Variants in GPR149 observed in about 807,000 individuals in gnomAD.
The protein encoded by GPR149 is G protein-coupled receptor 149, also known as probable G protein-coupled receptor 149.
In GPR149, 50 loss-of-function variants were observed where a neutral mutation model predicts 50.2. That is an observed-to-expected ratio of 1.00 (90% CI 0.79 to 1.26). The LOEUF is 1.26. Among genes scored for constraint, GPR149 ranks in the 50% most tolerant of loss-of-function variants. The pLI is 0.00. For synonymous variants in GPR149, 405 were observed against 358.2 expected (o/e 1.13, Z -1.48); for missense variants, 983 against 895.4 (o/e 1.10, Z -1.25).
At chr3:154,382,559 T>A (rs1714951871) in intron 3 of GPR149, among the ~76,000 whole-genome samples, 1 of 152,208 alleles carries the variant, frequency 6.6e-6, no homozygotes, top group Non-Finnish European at 1.5e-5. Flanking sequence ...AAATATCATA[T>A]TGAAAAATAG....
chr3:154,403,566 C>G (rs938630932), intron 3 of GPR149, among the ~76,000 whole-genome samples: 1 of 152,078 alleles, frequency 6.6e-6, no homozygotes, highest in African/African-American at 2.4e-5. Context: ...GTATAGAAAT[C>G]TTCTTTTTTG....
chr3:154,352,048 C>G (rs1215146651), intron 3 of GPR149: 1 of 418,018 alleles, frequency 2.4e-6, no homozygotes, highest in Non-Finnish European at 4.2e-6. Flanking sequence ...ACACATACCT[C>G]AACTATCATG....
chr3:154,372,913 T>C (rs1389761912), intron 3 of GPR149, among the ~76,000 whole-genome samples: 1 of 152,012 alleles, frequency 6.6e-6, no homozygotes, highest in Non-Finnish European at 1.5e-5. Flanking sequence ...GGATAGTGGG[T>C]TCAGGAGAAG....
chr3:154,408,969 A>T (rs1431625183), intron 3 of GPR149, among the ~76,000 whole-genome samples: 2 of 152,252 alleles, frequency 1.3e-5, no homozygotes, highest in African/African-American at 4.8e-5. Context: ...GCCCTCACAG[A>T]GTCCACTTCA....
At chr3:154,366,472 T>A (rs529486576) in intron 3 of GPR149, among the ~76,000 whole-genome samples, 1 of 152,218 alleles carries the variant, frequency 6.6e-6, no homozygotes, top group Non-Finnish European at 1.5e-5. Flanking sequence ...GCCAGGACTT[T>A]CCCTGATTTA....
intron 3 of GPR149, among the ~76,000 whole-genome samples, chr3:154,371,674 A>G (rs1201360258): frequency 1.3e-5 from 2 of 152,226 alleles, no homozygotes; most frequent in Admixed American, 1.3e-4. Flanking sequence ...GCCTCTTCTT[A>G]GGAAAAGAAT....
chr3:154,384,645 G>A (rs1039940952), intron 3 of GPR149, among the ~76,000 whole-genome samples: 60 of 152,172 alleles, frequency 3.9e-4, no homozygotes, highest in Admixed American at 6.5e-5. Context: ...TTTTTCAGAT[G>A]AGAAAACACA....
In GPR149 at chr3:154,429,165, G is replaced by T. The variant is rs200747445; in HGVS notation, c.451C>A (p.Leu151Ile). 1.9e-6 allele frequency: 3 copies of T among 1,613,864 alleles called. No homozygotes were observed. The highest frequency in any genetic ancestry group is 1.7e-5 in the Admixed American group (1 of 60,024). The change falls in exon 1 of 4, where the codon CTC (leucine) becomes ATC (isoleucine). Residue 151 changes from leucine (L) to isoleucine (I), a missense_variant. Transcript: ENST00000389740. ...GCCCACACGGTCAGCACCACGCCGA[G>T]CACCTGGCCCGATCTTCTGGAGGCT... is the stretch of plus-strand genomic sequence containing the variant. ...QTASRRSGQV[L>I]GVVLTVWAAS...
At chr3:154,381,419 T>C (rs1326162278) in intron 3 of GPR149, among the ~76,000 whole-genome samples, 1 of 152,216 alleles carries the variant, frequency 6.6e-6, no homozygotes, top group Non-Finnish European at 1.5e-5. Context: ...ATTGCTACAA[T>C]ATTTTTATCT....
At chr3:154,428,457 T>C (rs1424320189) in intron 1 of GPR149, among the ~76,000 whole-genome samples, 178 bp downstream of exon 1, 2 of 152,148 alleles carry the variant, frequency 1.3e-5, no homozygotes, top group African/African-American at 4.8e-5. Flanking sequence ...CGCAGCCAAC[T>C]AGCCCTGTCC....
At chr3:154,397,593 C>T (rs912953257) in intron 3 of GPR149, among the ~76,000 whole-genome samples, 2 of 152,106 alleles carry the variant, frequency 1.3e-5, no homozygotes, top group African/African-American at 4.8e-5. Flanking sequence ...TTATTTCCAT[C>T]TATTGTATCT....
chr3:154,367,616 T>A (rs1311635087), intron 3 of GPR149, among the ~76,000 whole-genome samples: 1 of 152,202 alleles, frequency 6.6e-6, no homozygotes, highest in Non-Finnish European at 1.5e-5. Context: ...AAAATGTAAT[T>A]GAAAAATCTA....
chr3:154,413,061 C>T (rs185025428), intron 3 of GPR149, among the ~76,000 whole-genome samples: 383 of 152,014 alleles, frequency 2.5e-3, no homozygotes, highest in African/African-American at 8.8e-3. Flanking sequence ...GAAAAGATAC[C>T]CTATTCAACA....
chr3:154,339,329 C>CT (rs1559967807), intron 3 of GPR149, among the ~76,000 whole-genome samples: 1 of 152,086 alleles, frequency 6.6e-6, no homozygotes, highest in Non-Finnish European at 1.5e-5. Flanking sequence ...ATCCATTGCT[C>CT]TAACTAAAGA....
At chr3:154,393,417 G>A (rs1715214827) in intron 3 of GPR149, among the ~76,000 whole-genome samples, 1 of 151,900 alleles carries the variant, frequency 6.6e-6, no homozygotes, top group Admixed American at 6.6e-5. Flanking sequence ...TAGAAATAGA[G>A]GGAAATTACC....
rs183554318 is a variant in GPR149, at chr3:154,337,200, C to A, written c.*499G>T. Among the ~76,000 whole-genome samples the A allele has an allele frequency of 2.6e-5, 4 of 152,258 alleles. No homozygotes were observed. The highest frequency in any genetic ancestry group is 2.6e-4 in the Admixed American group (4 of 15,280). On this transcript the variant is annotated 3_prime_UTR_variant, in exon 4 of 4. Coordinates refer to ENST00000389740, the MANE Select transcript of GPR149 (RefSeq NM_001038705.3). ...TTTCATTTTACAGAAGAATGTAAAGCTAAAGCAGTAAGTGTAATAAGCTTG... is the reference window on the plus strand; with the variant it reads ...TTTCATTTTACAGAAGAATGTAAAGATAAAGCAGTAAGTGTAATAAGCTTG...
At chr3:154,379,404 T>G (rs2108405625) in intron 3 of GPR149, among the ~76,000 whole-genome samples, 1 of 151,616 alleles carries the variant, frequency 6.6e-6, no homozygotes, top group South Asian at 2.1e-4. Context: ...ATGTACTTAT[T>G]TATTTATTTA....
chr3:154,362,657 T>A (rs571623851), intron 3 of GPR149, among the ~76,000 whole-genome samples: 1 of 152,266 alleles, frequency 6.6e-6, no homozygotes, highest in South Asian at 2.1e-4. Context: ...AATGCATTCT[T>A]TGTAAGTGTA....
At chr3:154,425,061 AAAC>A (rs985018214) in intron 2 of GPR149, among the ~76,000 whole-genome samples, 4 of 152,062 alleles carry the variant, frequency 2.6e-5, no homozygotes, top group African/African-American at 7.2e-5. Flanking sequence ...AAACAAAACA[AAAC>A]AACAACAACA....
Sources: gnomAD v4.1 joint callset for allele counts (sites outside exome capture counted in the v4.1 genomes callset) on GRCh38, gnomAD v4.1.1 for gene constraint, MANE v1.5 for transcripts, NCBI Gene and HGNC (gene_info 2026-07-23, HGNC 2026-07-21) for gene names.